The following SYT9 variants were observed in gnomAD, a reference collection of about 807,000 sequenced individuals.
SYT9 encodes the protein synaptotagmin 9.
A neutral mutation model predicts 48.4 loss-of-function variants in SYT9; 22 were observed. That is an observed-to-expected ratio of 0.45 (90% CI 0.32 to 0.65). SYT9 has a LOEUF of 0.65. Ranked by LOEUF, SYT9 falls within the 30% of genes least tolerant of loss-of-function variation. The pLI is 0.03. For synonymous variants in SYT9, 265 were observed against 245.0 expected, an observed-to-expected ratio of 1.08 and a Z score of -0.76; for missense variants, 577 against 622.0, an observed-to-expected ratio of 0.93 and a Z score of 0.77.
At chr11:7,366,453 A>T (rs561811195) in intron 3 of SYT9, among the ~76,000 whole-genome samples, 14 of 152,114 alleles carry the variant, frequency 9.2e-5, no homozygotes, top group African/African-American at 2.9e-4. Context: ...TCTTAATAAA[A>T]CTCTTAATAG....
chr11:7,329,252 T>C (rs78937667), intron 3 of SYT9, among the ~76,000 whole-genome samples: 9,608 of 152,258 alleles, frequency 0.063, 464 homozygotes, highest in African/African-American at 0.13. Flanking sequence ...AGCTGGGTAA[T>C]TTCTTTACAT....
At chr11:7,375,311 T>A (rs1418546568) in intron 3 of SYT9, among the ~76,000 whole-genome samples, 1 of 152,218 alleles carries the variant, frequency 6.6e-6, no homozygotes, top group East Asian at 1.9e-4. Context: ...GCTGTTTTGG[T>A]TACTATAGCC....
At chr11:7,318,396 C>G (rs982854179) in intron 3 of SYT9, among the ~76,000 whole-genome samples, 5 of 152,152 alleles carry the variant, frequency 3.3e-5, no homozygotes, top group Middle Eastern at 3.4e-3. Flanking sequence ...TCACTGCAAC[C>G]TCTGCCTTCA....
chr11:7,432,029 A>T (rs61888638), intron 6 of SYT9, among the ~76,000 whole-genome samples: 4 of 152,046 alleles, frequency 2.6e-5, no homozygotes, highest in East Asian at 1.9e-4. Flanking sequence ...AACTATGAGA[A>T]GGGGGCCACC....
At chr11:7,331,233 T>C (rs1161521252) in intron 3 of SYT9, among the ~76,000 whole-genome samples, 2 of 149,266 alleles carry the variant, frequency 1.3e-5, no homozygotes, top group Non-Finnish European at 3.0e-5. Context: ...ATTTTTTATA[T>C]TGAGGACCAA....
intron 1 of SYT9, among the ~76,000 whole-genome samples, chr11:7,263,468 A>G (rs1337444276): frequency 6.6e-6 from 1 of 152,204 alleles, no homozygotes; most frequent in Non-Finnish European, 1.5e-5. Context: ...GGGAGGACAC[A>G]AACATTCAGA....
chr11:7,293,407 C>T (rs1282151075), intron 1 of SYT9, among the ~76,000 whole-genome samples: 1 of 152,140 alleles, frequency 6.6e-6, no homozygotes, highest in African/African-American at 2.4e-5. Context: ...TGGTATGGCC[C>T]TGCAGACCCA....
intron 3 of SYT9, among the ~76,000 whole-genome samples, chr11:7,414,840 C>A (rs1159853059): frequency 6.6e-6 from 1 of 152,106 alleles, no homozygotes. Flanking sequence ...CCTTGGAGAA[C>A]TGAGAAGGGG....
intron 6 of SYT9, chr11:7,439,453 A>G (rs553632638): frequency 6.6e-5 from 10 of 152,484 alleles, no homozygotes; most frequent in African/African-American, 2.4e-4. Flanking sequence ...ACTGGAACTC[A>G]GGAACACTGG....
At chr11:7,389,051 G>T (rs544013192) in intron 3 of SYT9, among the ~76,000 whole-genome samples, 1 of 152,168 alleles carries the variant, frequency 6.6e-6, no homozygotes, top group Non-Finnish European at 1.5e-5. Flanking sequence ...ACTAGGCTTG[G>T]TGTGCTTGAA....
chr11:7,334,762 T>C (rs1849605222), intron 3 of SYT9, among the ~76,000 whole-genome samples: 1 of 135,262 alleles, frequency 7.4e-6, no homozygotes, highest in African/African-American at 2.6e-5. Context: ...TTTACTTCTT[T>C]CAATCAGAAT....
At chr11:7,442,945 G>A (rs1300048381) in intron 6 of SYT9, among the ~76,000 whole-genome samples, 1 of 152,216 alleles carries the variant, frequency 6.6e-6, no homozygotes, top group Non-Finnish European at 1.5e-5. Context: ...CCTTCCAGGA[G>A]TACACAGTCT....
intron 3 of SYT9, among the ~76,000 whole-genome samples, chr11:7,366,053 C>T (rs895005584): frequency 2.1e-4 from 32 of 152,314 alleles, no homozygotes; most frequent in Admixed American, 2.1e-3. Flanking sequence ...GTGACTGTGG[C>T]CCAGCTGTCC....
intron 2 of SYT9, among the ~76,000 whole-genome samples, chr11:7,305,059 A>T (rs1478324597): frequency 6.6e-6 from 1 of 152,214 alleles, no homozygotes; most frequent in Non-Finnish European, 1.5e-5. Flanking sequence ...CACAATATTT[A>T]TACTGGGAAA....
chr11:7,460,181 T>C (rs959522227), intron 6 of SYT9, among the ~76,000 whole-genome samples: 2 of 152,256 alleles, frequency 1.3e-5, no homozygotes, highest in Non-Finnish European at 1.5e-5. Context: ...TTAACTGTTA[T>C]AATGATTATA....
chr11:7,273,042 A>T (rs1270392745), intron 1 of SYT9, among the ~76,000 whole-genome samples: 1 of 152,146 alleles, frequency 6.6e-6, no homozygotes, highest in African/African-American at 2.4e-5. Context: ...CCTAATCTTA[A>T]TAGTTATCTA....
intron 1 of SYT9, among the ~76,000 whole-genome samples, chr11:7,241,404 G>A (rs1847739094): frequency 6.6e-6 from 1 of 152,176 alleles, no homozygotes; most frequent in Non-Finnish European, 1.5e-5. Context: ...TGAATAGAAA[G>A]AAAATGTATG....
chr11:7,262,578 A>G (rs1172583597), intron 1 of SYT9, among the ~76,000 whole-genome samples: 1 of 152,144 alleles, frequency 6.6e-6, no homozygotes, highest in Admixed American at 6.6e-5. Context: ...GAAATGAAAG[A>G]GAAAATCCAA....
chr11:7,312,408 G>A (rs1048378285), intron 2 of SYT9, among the ~76,000 whole-genome samples: 1 of 152,144 alleles, frequency 6.6e-6, no homozygotes, highest in Non-Finnish European at 1.5e-5. Context: ...TTTTAATTAA[G>A]GTTGTTGAGC....
Sources: gnomAD v4.1 joint callset for allele counts (sites outside exome capture counted in the v4.1 genomes callset) on GRCh38, gnomAD v4.1.1 for gene constraint, MANE v1.5 for transcripts, NCBI Gene and HGNC (gene_info 2026-07-23, HGNC 2026-07-21) for gene names.